SHLD1: variants seen among roughly 807,000 people sequenced by gnomAD.
The protein encoded by SHLD1 is RINN1-REV7-interacting novel NHEJ regulator 3.
In SHLD1, 3 loss-of-function variants were observed where a neutral mutation model predicts 5.5. That is an observed-to-expected ratio of 0.54 (90% CI 0.25 to 1.40). The LOEUF is 1.40. Ranked by LOEUF, SHLD1 falls within the 40% of genes most tolerant of loss-of-function variation. SHLD1 has a pLI of 0.15. For missense variants in SHLD1, 210 were observed against 244.4 expected, an observed-to-expected ratio of 0.86 and a Z score of 0.94; for synonymous variants, 92 against 94.3, an observed-to-expected ratio of 0.98 and a Z score of 0.14.
chr20:5,830,836 G>A (rs1255507336), intron 2 of SHLD1, among the ~76,000 whole-genome samples: 1 of 152,020 alleles, frequency 6.6e-6, no homozygotes, highest in Non-Finnish European at 1.5e-5. Flanking sequence ...GGTATATTCA[G>A]TTTGTAAAAG....
chr20:5,755,803 C>T (rs2122172923), intron 1 of SHLD1, among the ~76,000 whole-genome samples: 1 of 152,306 alleles, frequency 6.6e-6, no homozygotes, highest in Middle Eastern at 3.4e-3. Flanking sequence ...AAGTGATCCG[C>T]CCACCTCGGC....
chr20:5,841,284 C>A (rs1025336353), intron 2 of SHLD1, among the ~76,000 whole-genome samples: 16 of 151,666 alleles, frequency 1.1e-4, no homozygotes, highest in Non-Finnish European at 2.1e-4. Flanking sequence ...TTATGTGTTA[C>A]AGTTTGGTGA....
chr20:5,851,757 C>T (rs2088013630), intron 2 of SHLD1, among the ~76,000 whole-genome samples: 2 of 151,204 alleles, frequency 1.3e-5, no homozygotes, highest in African/African-American at 2.4e-5. Flanking sequence ...GATGTCTGTC[C>T]CGTCTAAATC....
intron 2 of SHLD1, among the ~76,000 whole-genome samples, chr20:5,830,148 C>T (rs909741819): frequency 3.9e-5 from 6 of 152,144 alleles, no homozygotes; most frequent in East Asian, 1.9e-4. Flanking sequence ...GAAATGCATC[C>T]GTATGTTCAT....
At chr20:5,792,841 T>C (rs1439312635) in intron 2 of SHLD1, among the ~76,000 whole-genome samples, 2 of 149,062 alleles carry the variant, frequency 1.3e-5, no homozygotes, top group South Asian at 4.3e-4. Context: ...GCCTGGCTGA[T>C]TTTTTGTATT....
chr20:5,799,424 C>G (rs1024767644), intron 2 of SHLD1, among the ~76,000 whole-genome samples: 3 of 151,396 alleles, frequency 2.0e-5, no homozygotes, highest in African/African-American at 7.3e-5. Flanking sequence ...TCTTGGCCCC[C>G]CAAGTAGCTG....
rs115077233 is a variant in SHLD1 at position 5,852,374 on chromosome 20, A to G, written c.179-10650A>G. Among the ~76,000 whole-genome samples, 342 of 151,278 alleles carry G rather than the reference A, an allele frequency of 2.3e-3. 1 individual carries two copies. The highest frequency in any genetic ancestry group is 8.2e-3 in the African/African-American group (334 of 40,718). Reference sequence around the variant, plus strand: ...TGGACAGTACAGATCTAGATGCATTATGTTGCTCAAATCACCTTCCTTTCC... The same window carrying G: ...TGGACAGTACAGATCTAGATGCATTGTGTTGCTCAAATCACCTTCCTTTCC... On this transcript the variant is annotated intron_variant, in intron 2 of 2. Transcript: ENST00000303142.
At chr20:5,854,872 C>CTTTTTTTTTTTTTTTTT (rs55776293) in intron 2 of SHLD1, among the ~76,000 whole-genome samples, 1 of 130,034 alleles carries the variant, frequency 7.7e-6, no homozygotes, top group Non-Finnish European at 1.5e-5. Context: ...CTCTATGACT[C>CTTTTTTTTTTTTTTTTT]TTTTTTTTTT....
chr20:5,842,405 G>A (rs2087875230), intron 2 of SHLD1, among the ~76,000 whole-genome samples: 1 of 152,188 alleles, frequency 6.6e-6, no homozygotes, highest in South Asian at 2.1e-4. Flanking sequence ...AGAGACTGAT[G>A]TCTTAACTCC....
intron 2 of SHLD1, among the ~76,000 whole-genome samples, chr20:5,843,284 A>G (rs1257817179): frequency 7.7e-6 from 1 of 130,494 alleles, no homozygotes; most frequent in Non-Finnish European, 1.5e-5. Flanking sequence ...CTCATGATCA[A>G]TTGTTTTTTT....
At chr20:5,782,859 A>G (rs1323042719) in intron 2 of SHLD1, among the ~76,000 whole-genome samples, 2 of 152,356 alleles carry the variant, frequency 1.3e-5, no homozygotes, top group East Asian at 1.9e-4. Context: ...AGATAAAAAA[A>G]CTCAAAATAA....
intron 2 of SHLD1, among the ~76,000 whole-genome samples, chr20:5,816,247 T>G (rs1407999634): frequency 6.6e-6 from 1 of 152,182 alleles, no homozygotes; most frequent in Non-Finnish European, 1.5e-5. Context: ...TTATTGTAAA[T>G]GTAGTTCCAA....
intron 2 of SHLD1, among the ~76,000 whole-genome samples, chr20:5,821,466 C>A (rs1382447769): frequency 6.6e-6 from 1 of 152,148 alleles, no homozygotes; most frequent in Non-Finnish European, 1.5e-5. Context: ...GAGCTGAGAT[C>A]ACACCACTGC....
At chr20:5,837,217 C>T (rs966939566) in intron 2 of SHLD1, among the ~76,000 whole-genome samples, 1 of 152,200 alleles carries the variant, frequency 6.6e-6, no homozygotes, top group Non-Finnish European at 1.5e-5. Context: ...ACAGTTGACT[C>T]TTGAACAACA....
At chr20:5,789,203 T>C (rs1264650058) in intron 2 of SHLD1, among the ~76,000 whole-genome samples, 2 of 48,270 alleles carry the variant, frequency 4.1e-5, no homozygotes, top group South Asian at 1.3e-3. Context: ...CCAATAAAAG[T>C]TGTGCTTTTT....
chr20:5,862,394 G>A (rs2122517648), intron 2 of SHLD1, among the ~76,000 whole-genome samples: 1 of 152,354 alleles, frequency 6.6e-6, no homozygotes, highest in Admixed American at 6.5e-5. Context: ...TGAGAACCCA[G>A]ACATCCCGGA....
intron 2 of SHLD1, among the ~76,000 whole-genome samples, chr20:5,795,270 C>A (rs566678796): frequency 8.9e-4 from 134 of 150,486 alleles, no homozygotes; most frequent in African/African-American, 3.1e-3. Flanking sequence ...AAACAAAAAA[C>A]ACACACACAC....
intron 1 of SHLD1, chr20:5,765,109 G>A (rs1279535830): frequency 6.7e-6 from 1 of 150,240 alleles, no homozygotes; most frequent in Non-Finnish European, 1.5e-5. Context: ...GTCTTGCTAT[G>A]TTGCCCAGGC....
intron 2 of SHLD1, among the ~76,000 whole-genome samples, chr20:5,833,898 C>T (rs146518286): frequency 1.8e-4 from 27 of 152,266 alleles, no homozygotes; most frequent in African/African-American, 4.3e-4. Context: ...TTTGCTCTAA[C>T]GCTTAGCCTA....
Sources: gnomAD v4.1 joint callset for allele counts (sites outside exome capture counted in the v4.1 genomes callset) on GRCh38, gnomAD v4.1.1 for gene constraint, MANE v1.5 for transcripts, NCBI Gene and HGNC (gene_info 2026-07-23, HGNC 2026-07-21) for gene names.